FSCN1: variants seen among roughly 807,000 people sequenced by gnomAD.
FSCN1 encodes fascin.
A neutral mutation model predicts 39.7 loss-of-function variants in FSCN1; 10 were observed. That is an observed-to-expected ratio of 0.25 (90% confidence interval 0.16 to 0.43). FSCN1 has a LOEUF of 0.43. Among genes scored for constraint, FSCN1 ranks in the 20% least tolerant of loss-of-function variants. The pLI, the probability that FSCN1 is intolerant of heterozygous loss-of-function variation, is 1.00. For missense variants in FSCN1, 525 were observed against 723.8 expected, an observed-to-expected ratio of 0.73 and a Z score of 3.15; for synonymous variants, 322 against 320.0, an observed-to-expected ratio of 1.01 and a Z score of -0.07.
intron 1 of FSCN1, chr7:5,595,025 CAG>C (rs909007358): frequency 1.3e-5 from 2 of 152,302 alleles, no homozygotes; most frequent in African/African-American, 4.8e-5. Context: ...TGCTTGCAGA[CAG>C]AGGCCCCGCT....
rs540811058 is a variant in FSCN1, at chr7:5,603,738, C to T, written c.1111+121C>T. On this transcript the variant is annotated intron_variant, in intron 3 of 4. Coordinates refer to ENST00000382361, the MANE Select transcript of FSCN1 (RefSeq NM_003088.4). This position sits in a 1 kb window ranked among gnomAD's most constrained non-coding sequence, Gnocchi z 8.5. ...TGTGCTGGGCATCCCCCCGGACTGG[C>T]CCCGCACTGTCCTACCCTGGGGACT... The T allele has an allele frequency of 4.5e-4, 678 of 1,507,450 alleles. No homozygotes were observed. The highest frequency in any genetic ancestry group is 5.6e-4 in the Non-Finnish European group (616 of 1,099,882). 93.4% of individuals were successfully genotyped at this position (1,507,450 alleles called of 1,614,324 possible).
At chr7:5,598,109 G>A (rs966962816) in intron 1 of FSCN1, among the ~76,000 whole-genome samples, 1 of 152,108 alleles carries the variant, frequency 6.6e-6, no homozygotes, top group Non-Finnish European at 1.5e-5. Flanking sequence ...TGATGTCTAC[G>A]TGGCACCAGG....
At chr7:5,604,571 T>G (rs1370066961) in intron 4 of FSCN1, among the ~76,000 whole-genome samples, 1 of 147,874 alleles carries the variant, frequency 6.8e-6, no homozygotes, top group Non-Finnish European at 1.5e-5. Flanking sequence ...TGGGTTCAAG[T>G]GATTCTCCTG....
intron 1 of FSCN1, among the ~76,000 whole-genome samples, chr7:5,600,551 G>GTT (rs1785806865): frequency 6.6e-6 from 1 of 152,044 alleles, no homozygotes; most frequent in Admixed American, 6.6e-5. Context: ...GGAGTGCAGT[G>GTT]GCGGATCTCA....
Position 5,592,817 on chromosome 7 carries a change from T to A in FSCN1, c.-120T>A. The A allele has an allele frequency of 1.6e-6, 1 of 610,342 alleles. No individual in the cohort carries two copies. The highest frequency in any genetic ancestry group is 2.8e-6 in the Non-Finnish European group (1 of 359,470). 37.8% of individuals were successfully genotyped at this position (610,342 alleles called of 1,614,324 possible). Reference sequence around the variant, plus strand: ...CCGGGGCGCCGCTAGCTGGGCTTTGTGGAGCGCTGCGGAGGGTGCGTGCGG... The same window carrying A: ...CCGGGGCGCCGCTAGCTGGGCTTTGAGGAGCGCTGCGGAGGGTGCGTGCGG... On this transcript the variant is annotated 5_prime_UTR_variant, in exon 1 of 5. Coordinates refer to ENST00000382361, the MANE Select transcript of FSCN1 (RefSeq NM_003088.4). This position sits in a 1 kb window ranked among gnomAD's most constrained non-coding sequence, Gnocchi z 5.3.
chr7:5,598,839 G>T (rs558846886), intron 1 of FSCN1, among the ~76,000 whole-genome samples: 12 of 152,232 alleles, frequency 7.9e-5, no homozygotes, highest in Non-Finnish European at 1.3e-4. Context: ...GAGCCCCAGC[G>T]CATTGGACAG....
Position 5,603,180 on chromosome 7 carries a change from TGTGA to T in FSCN1, c.833-75_833-72del. The T allele has an allele frequency of 1.3e-6, 2 of 1,542,350 alleles. No individual in the cohort carries two copies. The highest frequency in any genetic ancestry group is 3.5e-5 in the Admixed American group (2 of 57,908). On this transcript the variant is annotated intron_variant, in intron 1 of 4. Transcript: ENST00000382361. The surrounding 1 kb of genome is among the most constrained non-coding windows in gnomAD (Gnocchi z 8.5). Reference sequence around the variant, plus strand: ...TGGTGTTACCTTGCGTGTGTAGTTCTGTGAGCTCAGGGCTATGGTCTGCCAGAAC... The same window carrying T: ...TGGTGTTACCTTGCGTGTGTAGTTCTGCTCAGGGCTATGGTCTGCCAGAAC...
Position 5,606,180 on chromosome 7 carries a change from C to T in FSCN1, c.*706C>T, listed in dbSNP as rs1364570192. ...GGTGTGGGGGCCGTCTTCCTCCTGTCTCTTTCCTTTCACCCTAGCCTGACT... is the reference window on the plus strand; with the variant it reads ...GGTGTGGGGGCCGTCTTCCTCCTGTTTCTTTCCTTTCACCCTAGCCTGACT... On this transcript the variant is annotated 3_prime_UTR_variant, in exon 5 of 5. Transcript: ENST00000382361. This position sits in a 1 kb window ranked among gnomAD's most constrained non-coding sequence, Gnocchi z 5.1. 6.6e-6 allele frequency: 1 copy of T among 152,198 alleles called. No homozygotes were observed. The highest frequency in any genetic ancestry group is 2.4e-5 in the African/African-American group (1 of 41,422). 9.4% of individuals were successfully genotyped at this position (152,198 alleles called of 1,614,324 possible).
rs374138413 is a variant in FSCN1, at chr7:5,603,441, G to A, written c.989+28G>A. 178 of 1,613,534 alleles carry A rather than the reference G, an allele frequency of 1.1e-4. No individual in the cohort carries two copies. Among genetic ancestry groups the A allele is most frequent in the Middle Eastern group, 8.2e-4 (5 of 6,080 alleles). On this transcript the variant is annotated intron_variant, in intron 2 of 4. Coordinates refer to ENST00000382361, the MANE Select transcript of FSCN1 (RefSeq NM_003088.4). The surrounding 1 kb of genome is among the most constrained non-coding windows in gnomAD (Gnocchi z 8.5). ...GAGTGCCTCGCTCCCACCTGTCACC[G>A]CCCCCACCACCTTGCCTGGGCTACC...
Position 5,605,068 on chromosome 7 carries a change from C to T in FSCN1, c.1280-204C>T, listed in dbSNP as rs1023117334. Among the ~76,000 whole-genome samples the T allele has an allele frequency of 2.0e-5, 3 of 152,204 alleles. No individual in the cohort carries two copies. The highest frequency in any genetic ancestry group is 4.8e-5 in the African/African-American group (2 of 41,432). ...GATTACAGGCGTGAGCCACTGCGGC[C>T]GAGCAGAACACGTTCTAGGACCCTT... On this transcript the variant is annotated intron_variant, in intron 4 of 4. Coordinates refer to ENST00000382361, the MANE Select transcript of FSCN1 (RefSeq NM_003088.4). This position sits in a 1 kb window ranked among gnomAD's most constrained non-coding sequence, Gnocchi z 6.9.
chr7:5,603,467 C>G lies in FSCN1; in HGVS notation c.990-29C>G. ...CCCCCACCACCTTGCCTGGGCTACC[C>G]CGCCTGACCCTGTCCCGCCATCCCC... On this transcript the variant is annotated intron_variant, in intron 2 of 4. Coordinates refer to ENST00000382361, the MANE Select transcript of FSCN1 (RefSeq NM_003088.4). The surrounding 1 kb of genome is among the most constrained non-coding windows in gnomAD (Gnocchi z 8.5). The G allele has an allele frequency of 6.2e-7, 1 of 1,614,036 alleles. No individual in the cohort carries two copies. Among genetic ancestry groups the G allele is most frequent in the Non-Finnish European group, 8.5e-7 (1 of 1,180,002 alleles).
intron 1 of FSCN1, among the ~76,000 whole-genome samples, chr7:5,598,990 C>A (rs1785779389): frequency 6.6e-6 from 1 of 152,186 alleles, no homozygotes; most frequent in Admixed American, 6.5e-5. Context: ...TCCCTGCAGC[C>A]CTGCGGCTTC....
chr7:5,593,428 C>T lies in FSCN1; in HGVS notation c.492C>T (p.Ala164=). 1.9e-6 allele frequency: 3 copies of T among 1,612,106 alleles called. No homozygotes were observed. The highest frequency in any genetic ancestry group is 1.7e-6 in the Non-Finnish European group (2 of 1,179,748). Residue 164 remains alanine (A), a synonymous_variant, in exon 1 of 5, where the codon GCC becomes GCT. Transcript: ENST00000382361. Reference sequence around the variant, plus strand: ...GCGCGCGGCCGGCCGACGAGATCGCCGTGGACCGCGACGTGCCCTGGGGCG... The same window carrying T: ...GCGCGCGGCCGGCCGACGAGATCGCTGTGGACCGCGACGTGCCCTGGGGCG... ...HLSARPADEI[A]VDRDVPWGVD... is the part of the protein sequence containing the mutation.
chr7:5,604,928 C>A (rs1370695579), intron 4 of FSCN1, among the ~76,000 whole-genome samples: 1 of 152,070 alleles, frequency 6.6e-6, no homozygotes, highest in Non-Finnish European at 1.5e-5. Flanking sequence ...TGAGCCACCA[C>A]ACCCGGCTAA....
Position 5,599,886 on chromosome 7 carries a change from G to A in FSCN1, c.833-3371G>A, listed in dbSNP as rs1478069375. ...CCAGCCTCCCTCTCCTGTGGGTGCT[G>A]CCTGCCACCCACCGCTGAGGTCCCT... On this transcript the variant is annotated intron_variant, in intron 1 of 4. Coordinates refer to ENST00000382361, the MANE Select transcript of FSCN1 (RefSeq NM_003088.4). The surrounding 1 kb of genome is among the most constrained non-coding windows in gnomAD (Gnocchi z 5.6). 2.6e-5 allele frequency among the ~76,000 whole-genome samples: 4 copies of A among 152,216 alleles called. No homozygotes were observed. In the South Asian group the frequency reaches 8.3e-4, roughly 32 times the overall value.
intron 1 of FSCN1, among the ~76,000 whole-genome samples, chr7:5,601,752 A>G (rs945781583): frequency 9.2e-5 from 14 of 152,062 alleles, no homozygotes; most frequent in African/African-American, 3.1e-4. Context: ...AGGTGGGAGG[A>G]TCACTTGAGC....
At chr7:5,600,814 C>T (rs1328906629) in intron 1 of FSCN1, among the ~76,000 whole-genome samples, 3 of 150,000 alleles carry the variant, frequency 2.0e-5, no homozygotes, top group African/African-American at 5.0e-5. Flanking sequence ...CCACCGTGCC[C>T]GGCTAATTTT....
intron 1 of FSCN1, among the ~76,000 whole-genome samples, chr7:5,600,556 A>T (rs1177086768): frequency 2.0e-5 from 3 of 150,122 alleles, no homozygotes; most frequent in Non-Finnish European, 3.0e-5. Flanking sequence ...GCAGTGGCGG[A>T]TCTCAGCTCA....
chr7:5,598,437 A>C (rs1451829921), intron 1 of FSCN1, among the ~76,000 whole-genome samples: 4 of 152,216 alleles, frequency 2.6e-5, no homozygotes, highest in Non-Finnish European at 1.5e-5. Flanking sequence ...AGGAGGATTA[A>C]GGCCGACGTG....
Sources: allele counts gnomAD v4.1 joint callset (sites outside exome capture counted in the v4.1 genomes callset), GRCh38; gene constraint gnomAD v4.1.1; non-coding constraint Gnocchi (gnomAD v3.1); transcripts MANE v1.5; gene names NCBI Gene and HGNC (gene_info 2026-07-23, HGNC 2026-07-21).